EML4: variants seen among roughly 807,000 people sequenced by gnomAD.
EML4 encodes echinoderm microtubule-associated protein-like 4.
Under a neutral mutation model 129.0 loss-of-function variants are expected in EML4, and 72 were observed. That is an observed-to-expected ratio of 0.56 (90% confidence interval 0.46 to 0.68). The LOEUF is 0.68. Ranked by LOEUF, EML4 falls within the 30% of genes least tolerant of loss-of-function variation. The pLI is 0.00. For synonymous variants in EML4, 532 were observed against 405.0 expected, an observed-to-expected ratio of 1.31 and a Z score of -3.77; for missense variants, 1,363 against 1,190.6, an observed-to-expected ratio of 1.14 and a Z score of -2.13.
chr2:42,310,272 C>G (rs565835442), intron 17 of EML4, among the ~76,000 whole-genome samples: 1 of 151,834 alleles, frequency 6.6e-6, no homozygotes, highest in Non-Finnish European at 1.5e-5. Flanking sequence ...TTCTTCCTTT[C>G]TCCCCTTCCC....
intron 1 of EML4, among the ~76,000 whole-genome samples, chr2:42,189,515 G>A (rs182935393): frequency 4.7e-4 from 71 of 152,318 alleles, no homozygotes; most frequent in Non-Finnish European, 8.7e-4. Context: ...AGGAGTTCAA[G>A]GTGGCAATGA....
intron 9 of EML4, 45 bp downstream of exon 9, chr2:42,284,748 G>A (rs1667194790): frequency 2.9e-6 from 4 of 1,389,042 alleles, no homozygotes; most frequent in South Asian, 1.3e-5. Context: ...AGACATTGCT[G>A]TTAGAGTGGA....
At chr2:42,272,666 C>T (rs1666440893) in intron 6 of EML4, among the ~76,000 whole-genome samples, 2 of 152,144 alleles carry the variant, frequency 1.3e-5, no homozygotes, top group South Asian at 4.1e-4. Context: ...TGGTTAATTA[C>T]ATTTTCTAGT....
intron 19 of EML4, among the ~76,000 whole-genome samples, chr2:42,321,187 T>C: frequency 6.6e-6 from 1 of 151,900 alleles, no homozygotes; most frequent in East Asian, 1.9e-4. Context: ...ATCTACACCA[T>C]CCTGGCTAAC....
At chr2:42,252,778 C>CT (rs1198736103) in intron 2 of EML4, among the ~76,000 whole-genome samples, 2 of 152,066 alleles carry the variant, frequency 1.3e-5, no homozygotes, top group Non-Finnish European at 2.9e-5. Flanking sequence ...CTTTCTTATT[C>CT]TTTAAGGCCT....
In EML4 at chr2:42,286,306, C is replaced by T; in HGVS notation, c.1049C>T (p.Thr350Ile). 6.2e-7 allele frequency: 1 copy of T among 1,613,952 alleles called. No individual in the cohort carries two copies. Among genetic ancestry groups the T allele is most frequent in the Non-Finnish European group, 8.5e-7 (1 of 1,179,804 alleles). The change falls in exon 10 of 23, where the codon ACT becomes ATT. Residue 350 changes from threonine to isoleucine, a missense_variant. By Grantham distance (89) the Thr-to-Ile change is moderately conservative. Transcript: ENST00000318522. The part of the protein sequence containing the change: ...QPHVRVWDSV[T>I]LSTLQIIGLG... ...CACGTCAGAGTGTGGGATTCTGTTA[C>T]TCTATCCACACTGCAGATTATTGGA...
At chr2:42,284,911 G>C (rs72798519) in intron 9 of EML4, among the ~76,000 whole-genome samples, 30 of 152,218 alleles carry the variant, frequency 2.0e-4, no homozygotes, top group South Asian at 1.5e-3. Context: ...TAAAAAATAA[G>C]TGTTCTCCCT....
chr2:42,261,232 T>C lies in EML4; in HGVS notation c.450T>C (p.Ser150=). Residue 150 remains serine, a synonymous_variant, in exon 4 of 23, where the codon TCT becomes TCC. Coordinates refer to ENST00000318522, the MANE Select transcript of EML4 (RefSeq NM_019063.5). ...GAGCATCACCTTCTCCCCAGCCCTC[T>C]TCACAACCTCTCCAAATACACAGAC... ...QIRASPSPQP[S]SQPLQIHRQT... is the part of the protein sequence containing the mutation. 6.2e-7 allele frequency: 1 copy of C among 1,614,088 alleles called. No individual in the cohort carries two copies. The highest frequency in any genetic ancestry group is 8.5e-7 in the Non-Finnish European group (1 of 1,179,968).
intron 3 of EML4, 29 bp downstream of exon 3, chr2:42,256,659 A>C: frequency 6.2e-7 from 1 of 1,612,214 alleles, no homozygotes. Context: ...GGGAAAAACT[A>C]ACATTGCAGA....
intron 1 of EML4, among the ~76,000 whole-genome samples, chr2:42,219,164 C>T (rs1387412970): frequency 1.3e-5 from 2 of 152,188 alleles, no homozygotes; most frequent in African/African-American, 4.8e-5. Flanking sequence ...GCAGAAACGG[C>T]ATCAAATAAG....
rs1056087235 is a variant in EML4, at chr2:42,317,523, C to T, written c.2153C>T (p.Thr718Ile). 3 of 1,587,586 alleles carry T rather than the reference C, an allele frequency of 1.9e-6. No homozygotes were observed. The highest frequency in any genetic ancestry group is 2.6e-6 in the Non-Finnish European group (3 of 1,164,598). The change falls in exon 19 of 23, where the codon ACT becomes ATT. Residue 718 changes from threonine to isoleucine, a missense_variant and splice_region_variant. Coordinates refer to ENST00000318522, the MANE Select transcript of EML4 (RefSeq NM_019063.5). ...GRKYSRYGRC[T>I]GHSSYITHLD... ...AAATATAGCAGATATGGAAGGTGCA[C>T]TGTAAGTAGTGAAGTAGAACAAGTT...
chr2:42,207,644 C>CTCTGGTATAA (rs1240569427), intron 1 of EML4, among the ~76,000 whole-genome samples: 2 of 152,246 alleles, frequency 1.3e-5, no homozygotes, highest in East Asian at 1.9e-4. Flanking sequence ...CTTTCCTGAA[C>CTCTGGTATAA]GTAAGTGGTC....
At position 42,261,137 on chromosome 2, in the gene EML4, A is replaced by G. The variant is rs759687603; in HGVS notation, c.355A>G (p.Lys119Glu). 17 of 1,609,182 alleles carry G rather than the reference A, an allele frequency of 1.1e-5. No homozygotes were observed. Among genetic ancestry groups the G allele is most frequent in the Non-Finnish European group, 1.4e-5 (16 of 1,178,320 alleles). Residue 119 changes from lysine to glutamate, a missense_variant, in exon 4 of 23, where the codon AAA (lysine) becomes GAA (glutamate). By Grantham distance (56) the Lys-to-Glu change is moderately conservative (BLOSUM62 1). Coordinates refer to ENST00000318522, the MANE Select transcript of EML4 (RefSeq NM_019063.5). ...SAAKSGTEKK[K>E]EKPQGQREKK... ...ATTTTACAGTGGTACAGAAAAAAAG[A>G]AAGAAAAACCACAAGGACAGAGAGA...
At chr2:42,198,367 C>G (rs1218369347) in intron 1 of EML4, among the ~76,000 whole-genome samples, 1 of 152,058 alleles carries the variant, frequency 6.6e-6, no homozygotes, top group Admixed American at 6.5e-5. Flanking sequence ...CTCTAAAGCA[C>G]TGGGGGAAGG....
At chr2:42,169,657 C>T in intron 1 of EML4, 21 bp downstream of exon 1, 2 of 1,599,800 alleles carry the variant, frequency 1.3e-6, no homozygotes, top group South Asian at 1.1e-5. Flanking sequence ...CTGGGGAGTC[C>T]TGCGTCTTCT....
intron 17 of EML4, among the ~76,000 whole-genome samples, chr2:42,314,995 T>G (rs540071610): frequency 6.6e-6 from 1 of 152,330 alleles, no homozygotes; most frequent in African/African-American, 2.4e-5. Flanking sequence ...TTCAAAAAAT[T>G]TAGAGCTTCC....
At chr2:42,311,561 A>C (rs902399529) in intron 17 of EML4, among the ~76,000 whole-genome samples, 2 of 152,168 alleles carry the variant, frequency 1.3e-5, no homozygotes, top group Non-Finnish European at 2.9e-5. Flanking sequence ...AATGGTAATA[A>C]TTTTTAAATG....
chr2:42,230,952 C>T (rs1674299401), intron 1 of EML4, among the ~76,000 whole-genome samples: 1 of 151,786 alleles, frequency 6.6e-6, no homozygotes, highest in Non-Finnish European at 1.5e-5. Flanking sequence ...CTGTTGGTTC[C>T]TTCCCTCAAC....
Position 42,325,571 on chromosome 2 carries a change from T to TTA in EML4, c.2242+33_2242+34dup, listed in dbSNP as rs149584395. ...TATTGTACTGTAAGTATGAATGATT[T>TTA]TATATATATATATATATGCTATGAT... On this transcript the variant is annotated intron_variant, in intron 20 of 22. Transcript: ENST00000318522. 2,492 of 485,552 alleles carry TTA rather than the reference T, an allele frequency of 5.1e-3. 12 individuals are homozygous for TTA. Among genetic ancestry groups the TTA allele is most frequent in the African/African-American group, 0.012 (579 of 47,876 alleles). 30.1% of individuals were successfully genotyped at this position (485,552 alleles called of 1,614,324 possible).
Sources: gnomAD v4.1 joint callset for allele counts (sites outside exome capture counted in the v4.1 genomes callset) on GRCh38, gnomAD v4.1.1 for gene constraint, MANE v1.5 for transcripts, NCBI Gene and HGNC (gene_info 2026-07-23, HGNC 2026-07-21) for gene names.